TAF1A: variants seen among roughly 807,000 people sequenced by gnomAD.
TAF1A encodes TATA box-binding protein-associated factor RNA polymerase I subunit A.
Under a neutral mutation model 61.6 loss-of-function variants are expected in TAF1A, and 42 were observed. That is an observed-to-expected ratio of 0.68 (90% CI 0.53 to 0.88). The LOEUF (loss-of-function observed/expected upper bound fraction) is 0.88, where lower values mean the gene tolerates loss of function less well. Among genes scored for constraint, TAF1A ranks in the 40% least tolerant of loss-of-function variants. The pLI is 0.00. For missense variants in TAF1A, 424 were observed against 518.7 expected, an observed-to-expected ratio of 0.82 and a Z score of 1.77; for synonymous variants, 179 against 177.7, an observed-to-expected ratio of 1.01 and a Z score of -0.06.
intron 3 of TAF1A, among the ~76,000 whole-genome samples, chr1:222,580,968 C>A (rs531444705): frequency 1.3e-5 from 2 of 151,980 alleles, no homozygotes; most frequent in East Asian, 3.9e-4. Context: ...CTGGCTAACA[C>A]GGTGAAACCC....
At chr1:222,556,574 G>A (rs1001723148), downstream of TAF1A, among the ~76,000 whole-genome samples, 1 of 152,134 alleles carries the variant, frequency 6.6e-6, no homozygotes, top group Non-Finnish European at 1.5e-5. Context: ...TACAATGAAA[G>A]GTAAAGCCCA....
At position 222,577,626 on chromosome 1, in the gene TAF1A, T is replaced by G; in HGVS notation, c.423A>C (p.Ala141=). ...GCATTCCATGATGCAGAAGGTATAA[T>G]GCATGTTGTAAGGAGATCTGCAAAA... is the stretch of plus-strand genomic sequence containing the variant. ...MNYLKISLQH[A]LYLLHHGMLK... is the part of the protein sequence containing the mutation. Residue 141 remains alanine, a synonymous_variant, in exon 5 of 11, where the codon GCA becomes GCC. Coordinates refer to ENST00000352967, the MANE Select transcript of TAF1A (RefSeq NM_005681.4). The G allele has an allele frequency of 6.2e-7, 1 of 1,613,876 alleles. No homozygotes were observed. The highest frequency in any genetic ancestry group is 8.5e-7 in the Non-Finnish European group (1 of 1,179,854).
intron 7 of TAF1A, among the ~76,000 whole-genome samples, chr1:222,566,143 C>A (rs898078445): frequency 2.0e-5 from 3 of 151,954 alleles, no homozygotes; most frequent in Non-Finnish European, 4.4e-5. Flanking sequence ...ACCAAACAAC[C>A]CAATTCATAA....
rs746887924 is a variant in TAF1A at position 222,577,504 on chromosome 1, T to C, written c.545A>G (p.Tyr182Cys). 1.2e-6 allele frequency: 2 copies of C among 1,614,006 alleles called. No individual in the cohort carries two copies. The highest frequency in any genetic ancestry group is 2.2e-5 in the South Asian group (2 of 91,076). Reference protein sequence around the residue: ...REILINLIQAYKGLLQYYTWS... With the variant: ...REILINLIQACKGLLQYYTWS... ...GGTATAATACTGTAAAAGCCCTTTATAGGCCTGAATAAGGTTGATTAATAT... is the reference window on the plus strand; with the variant it reads ...GGTATAATACTGTAAAAGCCCTTTACAGGCCTGAATAAGGTTGATTAATAT... Residue 182 changes from tyrosine to cysteine, a missense_variant, in exon 5 of 11, where the codon TAT becomes TGT. Transcript: ENST00000352967.
chr1:222,570,670 C>G lies in TAF1A; in HGVS notation c.605-5G>C. The G allele has an allele frequency of 6.3e-7, 1 of 1,596,560 alleles. No homozygotes were observed. The highest frequency in any genetic ancestry group is 8.6e-7 in the Non-Finnish European group (1 of 1,169,322). ...TGTAAGCATAATCATCCTTATCTGCCCAAAGATACAAGATCTTTTAACATT... is the reference window on the plus strand; with the variant it reads ...TGTAAGCATAATCATCCTTATCTGCGCAAAGATACAAGATCTTTTAACATT... On this transcript the variant is annotated splice_polypyrimidine_tract_variant and splice_region_variant and intron_variant, in intron 5 of 10. Transcript: ENST00000352967.
Position 222,584,169 on chromosome 1 carries a change from A to T in TAF1A, c.250T>A (p.Leu84Met). ...AEYMYSYFQT[L>M]EDSDSYKRQA... ...CTTTTGTAGCTATCTGAATCTTCCA[A>T]GGTCTGAAAATAACTGTACATGTAT... Residue 84 changes from leucine (L) to methionine (M), a missense_variant, in exon 3 of 11, where the codon TTG becomes ATG. Transcript: ENST00000352967. The T allele has an allele frequency of 1.2e-6, 2 of 1,611,038 alleles. No homozygotes were observed. Among genetic ancestry groups the T allele is most frequent in the Middle Eastern group, 1.7e-4 (1 of 6,056 alleles).
intron 9 of TAF1A, among the ~76,000 whole-genome samples, chr1:222,562,791 G>A (rs920467445): frequency 1.3e-5 from 2 of 152,110 alleles, no homozygotes; most frequent in African/African-American, 4.8e-5. Flanking sequence ...CACTGAAAAT[G>A]ATCAAACACA....
chr1:222,561,567 T>C, intron 9 of TAF1A, 49 bp from the exon 10 acceptor site: 1 of 1,512,716 alleles, frequency 6.6e-7, no homozygotes. Flanking sequence ...GAAACAAATC[T>C]ATATTATCAG....
intron 5 of TAF1A, among the ~76,000 whole-genome samples, chr1:222,572,689 C>T (rs1006801884): frequency 3.3e-5 from 5 of 152,066 alleles, no homozygotes; most frequent in African/African-American, 1.2e-4. Context: ...GGTGCCAAGA[C>T]AATTCAGTGG....
At chr1:222,576,754 T>G (rs1227955956) in intron 5 of TAF1A, among the ~76,000 whole-genome samples, 1 of 152,226 alleles carries the variant, frequency 6.6e-6, no homozygotes, top group East Asian at 1.9e-4. Context: ...CAAAGTAAAT[T>G]AAACTCCATT....
At chr1:222,567,617 G>A (rs1007791249) in intron 7 of TAF1A, among the ~76,000 whole-genome samples, 2 of 152,148 alleles carry the variant, frequency 1.3e-5, no homozygotes, top group African/African-American at 4.8e-5. Flanking sequence ...GACATGCCAT[G>A]TTTACACTTT....
chr1:222,578,660 C>G (rs984643806), intron 4 of TAF1A, among the ~76,000 whole-genome samples: 1 of 152,144 alleles, frequency 6.6e-6, no homozygotes, highest in African/African-American at 2.4e-5. Context: ...ATTCCCCTAC[C>G]CATTAAATCC....
chr1:222,571,148 A>C (rs992989940), intron 5 of TAF1A, among the ~76,000 whole-genome samples: 1 of 152,162 alleles, frequency 6.6e-6, no homozygotes, highest in Non-Finnish European at 1.5e-5. Flanking sequence ...TGATCATCAC[A>C]ATAGACACAG....
chr1:222,556,262 C>T (rs372846254), downstream of TAF1A, among the ~76,000 whole-genome samples: 7 of 152,182 alleles, frequency 4.6e-5, no homozygotes, highest in Admixed American at 1.3e-4. Context: ...AGTTGCATGT[C>T]GTCACAGGGT....
chr1:222,565,739 G>C (rs2102643597), intron 7 of TAF1A, among the ~76,000 whole-genome samples: 1 of 152,168 alleles, frequency 6.6e-6, no homozygotes, highest in South Asian at 2.1e-4. Context: ...GCGTGTGCCT[G>C]TAGTCCCAGC....
chr1:222,586,725 C>T (rs1571833804), intron 2 of TAF1A, among the ~76,000 whole-genome samples: 1 of 152,186 alleles, frequency 6.6e-6, no homozygotes, highest in African/African-American at 2.4e-5. Context: ...TCAATCCAGA[C>T]TGGCCCTGTC....
At position 222,563,931 on chromosome 1, in the gene TAF1A, T is replaced by C. The variant is rs551022166; in HGVS notation, c.961+128A>G. The C allele has an allele frequency of 2.0e-4, 130 of 636,768 alleles. 2 individuals carry two copies. The highest frequency in any genetic ancestry group is 1.8e-3 in the South Asian group (99 of 55,148). The allele number at this position is 636,768 out of a possible 1,614,324, so 39.4% of individuals were successfully genotyped here. The stretch of plus-strand genomic sequence containing the variant: ...CAGCCGCAGACAATACAGAAACAGA[T>C]GGACTCCAACAGAACTTGATTTATA... On this transcript the variant is annotated intron_variant, in intron 8 of 10. Coordinates refer to ENST00000352967, the MANE Select transcript of TAF1A (RefSeq NM_005681.4).
At chr1:222,563,610 C>A (rs1189410574) in intron 8 of TAF1A, among the ~76,000 whole-genome samples, 1 of 152,198 alleles carries the variant, frequency 6.6e-6, no homozygotes, top group Non-Finnish European at 1.5e-5. Context: ...TATACATGTT[C>A]TTTCATATTC....
intron 7 of TAF1A, among the ~76,000 whole-genome samples, chr1:222,568,403 T>C (rs1052194461): frequency 2.6e-5 from 4 of 152,148 alleles, no homozygotes; most frequent in African/African-American, 9.7e-5. Flanking sequence ...ATCCAGATTA[T>C]ATAAAAATTT....
Sources: gnomAD v4.1 joint callset for allele counts (sites outside exome capture counted in the v4.1 genomes callset) on GRCh38, gnomAD v4.1.1 for gene constraint, MANE v1.5 for transcripts, NCBI Gene and HGNC (gene_info 2026-07-23, HGNC 2026-07-21) for gene names.